Variants in NCKAP5 observed in about 807,000 individuals in gnomAD.
The protein encoded by NCKAP5 is nck-associated protein 5.
Under a neutral mutation model 167.0 loss-of-function variants are expected in NCKAP5, and 92 were observed. That is an observed-to-expected ratio of 0.55 (90% CI 0.47 to 0.66). The LOEUF (loss-of-function observed/expected upper bound fraction) is 0.66. Ranked by LOEUF, NCKAP5 falls within the 30% of genes least tolerant of loss-of-function variation. The pLI is 0.00. For missense variants in NCKAP5, 2,378 were observed against 2,315.0 expected, an observed-to-expected ratio of 1.03 and a Z score of -0.56; for synonymous variants, 891 against 877.4, an observed-to-expected ratio of 1.02 and a Z score of -0.27.
chr2:133,362,763 G>A (rs1456027348), intron 3 of NCKAP5, among the ~76,000 whole-genome samples: 1 of 152,006 alleles, frequency 6.6e-6, no homozygotes, highest in Admixed American at 6.6e-5. Context: ...TGTTGTTGTT[G>A]TTGTTGTTGA....
At chr2:133,407,135 CG>C (rs1192854327) in intron 3 of NCKAP5, among the ~76,000 whole-genome samples, 1 of 152,122 alleles carries the variant, frequency 6.6e-6, no homozygotes, top group Non-Finnish European at 1.5e-5. Flanking sequence ...AATGTTTATC[CG>C]CCAGGTATGA....
chr2:133,086,222 T>A (rs1181734400), intron 6 of NCKAP5, among the ~76,000 whole-genome samples: 1 of 152,202 alleles, frequency 6.6e-6, no homozygotes, highest in Non-Finnish European at 1.5e-5. Flanking sequence ...AATACAGTTT[T>A]GGACAAGATA....
chr2:133,135,091 C>G (rs1361160425), intron 5 of NCKAP5, among the ~76,000 whole-genome samples: 1 of 152,146 alleles, frequency 6.6e-6, no homozygotes, highest in Admixed American at 6.5e-5. Flanking sequence ...ATGGAGAGGG[C>G]TGGCGCTAAA....
intron 3 of NCKAP5, among the ~76,000 whole-genome samples, chr2:133,380,986 A>T (rs1457911781): frequency 2.0e-5 from 3 of 152,154 alleles, no homozygotes; most frequent in Non-Finnish European, 4.4e-5. Context: ...CATATATTGA[A>T]CCCCCTCTTA....
At chr2:133,200,808 G>T (rs1424269260) in intron 5 of NCKAP5, among the ~76,000 whole-genome samples, 2 of 152,056 alleles carry the variant, frequency 1.3e-5, no homozygotes, top group Admixed American at 6.5e-5. Context: ...CCAAATATCT[G>T]TCAAAAGGAA....
In NCKAP5 at chr2:132,963,830, A is replaced by T; in HGVS notation, c.469T>A (p.Leu157Met). The T allele has an allele frequency of 6.2e-7, 1 of 1,613,804 alleles. No homozygotes were observed. Among genetic ancestry groups the T allele is most frequent in the Non-Finnish European group, 8.5e-7 (1 of 1,179,808 alleles). ...SEEERKHKEA[L>M]EDLHMVVDED... ...TCAACCACCATGTGAAGATCTTCCA[A>T]AGCTTCCTTATGTTTTCTCTCTTCC... The change falls in exon 8 of 20, where the codon TTG becomes ATG. Residue 157 changes from leucine (L) to methionine (M), a missense_variant. Physicochemically the swap from Leu to Met is conservative, Grantham distance 15. Transcript: ENST00000409261.
At chr2:132,675,645 G>A (rs1684340137) in intron 19 of NCKAP5, among the ~76,000 whole-genome samples, 1 of 152,118 alleles carries the variant, frequency 6.6e-6, no homozygotes, top group Admixed American at 6.5e-5. Flanking sequence ...CATGACCCCT[G>A]GAGGGAAGAC....
intron 3 of NCKAP5, among the ~76,000 whole-genome samples, chr2:133,322,158 T>C (rs574789506): frequency 1.7e-4 from 26 of 152,346 alleles, no homozygotes; most frequent in African/African-American, 4.6e-4. Flanking sequence ...TAATAGATTT[T>C]ATTAATAGGC....
intron 5 of NCKAP5, among the ~76,000 whole-genome samples, chr2:133,148,966 G>C (rs879333053): frequency 6.6e-6 from 1 of 152,022 alleles, no homozygotes; most frequent in South Asian, 2.1e-4. Flanking sequence ...AAAATACCTA[G>C]TTTCCCTGTT....
chr2:133,150,095 C>T (rs1214110709), intron 5 of NCKAP5, among the ~76,000 whole-genome samples: 1 of 152,206 alleles, frequency 6.6e-6, no homozygotes, highest in African/African-American at 2.4e-5. Flanking sequence ...GTATTCAATA[C>T]TGCAGTATCC....
At chr2:133,108,998 T>C (rs930716663) in intron 6 of NCKAP5, among the ~76,000 whole-genome samples, 4 of 152,192 alleles carry the variant, frequency 2.6e-5, no homozygotes, top group Admixed American at 2.6e-4. Flanking sequence ...CTATAATATT[T>C]ATATGCTCTA....
At chr2:132,933,993 C>T (rs1400056898) in intron 8 of NCKAP5, among the ~76,000 whole-genome samples, 6 of 152,190 alleles carry the variant, frequency 3.9e-5, no homozygotes. Context: ...GCTTTTTGCC[C>T]AGTGGAGCCC....
intron 6 of NCKAP5, among the ~76,000 whole-genome samples, chr2:133,067,966 G>T (rs993932677): frequency 5.3e-5 from 8 of 152,046 alleles, no homozygotes; most frequent in Non-Finnish European, 8.8e-5. Flanking sequence ...ATGAATTATC[G>T]ATTAGATATA....
intron 3 of NCKAP5, among the ~76,000 whole-genome samples, chr2:133,394,739 G>A (rs572695232): frequency 1.3e-5 from 2 of 152,124 alleles, no homozygotes; most frequent in Admixed American, 6.6e-5. Context: ...ACACATGAAA[G>A]GAAAGGAAAC....
At chr2:133,531,245 C>T (rs1022564388) in intron 2 of NCKAP5, among the ~76,000 whole-genome samples, 1 of 152,004 alleles carries the variant, frequency 6.6e-6, no homozygotes, top group Non-Finnish European at 1.5e-5. Context: ...TTATTAATAA[C>T]TTATTTATTA....
At chr2:132,717,189 T>C (rs1689452481) in intron 19 of NCKAP5, among the ~76,000 whole-genome samples, 1 of 152,196 alleles carries the variant, frequency 6.6e-6, no homozygotes, top group Non-Finnish European at 1.5e-5. Context: ...AAATCCCTTG[T>C]GTCCCACTGC....
chr2:133,514,383 T>G (rs1283579216), intron 3 of NCKAP5, among the ~76,000 whole-genome samples: 1 of 152,146 alleles, frequency 6.6e-6, no homozygotes. Context: ...CCCTCCCCCA[T>G]GCCACGTGAC....
At chr2:133,163,725 G>A (rs73000856) in intron 5 of NCKAP5, among the ~76,000 whole-genome samples, 4,588 of 151,206 alleles carry the variant, frequency 0.03, 213 homozygotes, top group African/African-American at 0.11. Context: ...CCATGTTCCC[G>A]TTGACTTCTA....
At chr2:133,366,212 C>T (rs1371300796) in intron 3 of NCKAP5, among the ~76,000 whole-genome samples, 2 of 152,050 alleles carry the variant, frequency 1.3e-5, no homozygotes, top group Non-Finnish European at 2.9e-5. Context: ...CTGTAAATCT[C>T]TTATCAATAG....
Sources: gnomAD v4.1 joint callset for allele counts (sites outside exome capture counted in the v4.1 genomes callset) on GRCh38, gnomAD v4.1.1 for gene constraint, MANE v1.5 for transcripts, NCBI Gene and HGNC (gene_info 2026-07-23, HGNC 2026-07-21) for gene names.